Variants in SLMAP observed in about 807,000 individuals in gnomAD.
The protein encoded by SLMAP is sarcolemmal membrane-associated protein.
In SLMAP, 44 loss-of-function variants were observed where a neutral mutation model predicts 128.8. That is an observed-to-expected ratio of 0.34 (90% CI 0.27 to 0.44). The LOEUF (loss-of-function observed/expected upper bound fraction) is 0.44. Among genes scored for constraint, SLMAP ranks in the 20% least tolerant of loss-of-function variants. The probability of loss-of-function intolerance (pLI) is 1.00; values close to 1 mark genes in which losing one functional copy is unlikely to be tolerated. For synonymous variants in SLMAP, 327 were observed against 348.8 expected (o/e 0.94, Z 0.70); for missense variants, 787 against 985.3 (o/e 0.80, Z 2.69).
chr3:57,810,801 T>G (rs1038232686), intron 2 of SLMAP, among the ~76,000 whole-genome samples: 2 of 152,212 alleles, frequency 1.3e-5, no homozygotes, highest in Admixed American at 6.5e-5. Context: ...TTCCAGGACA[T>G]ATCACTTTCT....
intron 6 of SLMAP, among the ~76,000 whole-genome samples, chr3:57,852,524 A>T (rs573762853): frequency 2.0e-4 from 31 of 152,302 alleles, no homozygotes; most frequent in African/African-American, 7.5e-4. Context: ...CTTACACAGA[A>T]TTGTGAAGAA....
intron 3 of SLMAP, among the ~76,000 whole-genome samples, chr3:57,838,838 C>T (rs2093769954): frequency 6.6e-6 from 1 of 152,142 alleles, no homozygotes; most frequent in Non-Finnish European, 1.5e-5. Flanking sequence ...ATAGGATATC[C>T]TTCGTAGCAG....
At chr3:57,760,001 G>A (rs2078295210) in intron 2 of SLMAP, among the ~76,000 whole-genome samples, 2 of 152,114 alleles carry the variant, frequency 1.3e-5, no homozygotes, top group African/African-American at 2.4e-5. Flanking sequence ...GTGCAGTGGC[G>A]CAACCTCAGC....
At chr3:57,848,971 A>C (rs1417616049) in intron 5 of SLMAP, among the ~76,000 whole-genome samples, 5 of 150,750 alleles carry the variant, frequency 3.3e-5, no homozygotes, top group African/African-American at 1.2e-4. Context: ...GGCCTCCCAA[A>C]GTGCTGGGAT....
intron 8 of SLMAP, among the ~76,000 whole-genome samples, chr3:57,859,695 T>C (rs2094958731): frequency 6.6e-6 from 1 of 152,062 alleles, no homozygotes; most frequent in South Asian, 2.1e-4. Context: ...TAATGGACAT[T>C]GGAGACTCAG....
At chr3:57,789,287 TAG>T (rs1017093496) in intron 2 of SLMAP, among the ~76,000 whole-genome samples, 8 of 152,032 alleles carry the variant, frequency 5.3e-5, no homozygotes, top group Admixed American at 1.3e-4. Context: ...GGGGCGAGGG[TAG>T]AGAGAGACTG....
intron 2 of SLMAP, among the ~76,000 whole-genome samples, chr3:57,758,853 A>C (rs1009370162): frequency 6.6e-5 from 10 of 152,334 alleles, no homozygotes; most frequent in Admixed American, 5.2e-4. Context: ...TGAGCTACTG[A>C]ATCAGTTCCA....
intron 22 of SLMAP, among the ~76,000 whole-genome samples, chr3:57,920,808 A>G (rs62260563): frequency 0.22 from 33,751 of 152,026 alleles, 4,682 homozygotes; most frequent in East Asian, 0.48. Flanking sequence ...CAAGGTCAGG[A>G]GTTCGAGACC....
At chr3:57,866,368 TAGG>T (rs2095304107) in intron 13 of SLMAP, among the ~76,000 whole-genome samples, 1 of 152,164 alleles carries the variant, frequency 6.6e-6, no homozygotes. Flanking sequence ...CTGGTAGAGT[TAGG>T]AGGTGGGTTT....
At chr3:57,809,292 C>T (rs1271577948) in intron 2 of SLMAP, among the ~76,000 whole-genome samples, 3 of 152,238 alleles carry the variant, frequency 2.0e-5, no homozygotes, top group Non-Finnish European at 4.4e-5. Context: ...TGCCTGCTCC[C>T]ACTTCCTGGC....
chr3:57,847,275 T>A, intron 5 of SLMAP, 42 bp downstream of exon 5: 1 of 1,487,898 alleles, frequency 6.7e-7, no homozygotes, highest in Non-Finnish European at 9.3e-7. Flanking sequence ...GACTCAGCTA[T>A]GTTGCTTTGA....
chr3:57,796,208 G>T (rs1261248015), intron 2 of SLMAP, among the ~76,000 whole-genome samples: 2 of 152,156 alleles, frequency 1.3e-5, no homozygotes, highest in African/African-American at 4.8e-5. Flanking sequence ...TTTATTAAGT[G>T]TTCTGCTCTT....
intron 14 of SLMAP, among the ~76,000 whole-genome samples, chr3:57,885,714 C>T (rs1318868263): frequency 1.3e-5 from 2 of 150,294 alleles, no homozygotes; most frequent in Non-Finnish European, 3.0e-5. Flanking sequence ...CTACCGCGCC[C>T]GGCCATCTTG....
At chr3:57,777,287 A>T (rs953480154) in intron 2 of SLMAP, among the ~76,000 whole-genome samples, 15 of 152,248 alleles carry the variant, frequency 9.9e-5, no homozygotes, top group African/African-American at 3.4e-4. Context: ...TGACTTTTTT[A>T]AAAAAACCTC....
intron 4 of SLMAP, among the ~76,000 whole-genome samples, chr3:57,846,445 T>C (rs1397235194): frequency 6.6e-6 from 1 of 152,202 alleles, no homozygotes; most frequent in Non-Finnish European, 1.5e-5. Flanking sequence ...GGAACAAGTT[T>C]CCAAATTATA....
chr3:57,857,501 C>T (rs1291001845), intron 6 of SLMAP, among the ~76,000 whole-genome samples: 1 of 152,202 alleles, frequency 6.6e-6, no homozygotes, highest in African/African-American at 2.4e-5. Context: ...AACATTCTGT[C>T]TGTCTCTCTC....
chr3:57,824,401 T>G (rs1407434987), intron 2 of SLMAP, among the ~76,000 whole-genome samples: 2 of 152,202 alleles, frequency 1.3e-5, no homozygotes, highest in African/African-American at 4.8e-5. Context: ...AGCTTTTATA[T>G]TTAACTCTTT....
At chr3:57,792,903 T>C (rs1294535911) in intron 2 of SLMAP, among the ~76,000 whole-genome samples, 2 of 152,046 alleles carry the variant, frequency 1.3e-5, no homozygotes, top group Non-Finnish European at 2.9e-5. Context: ...TTTGAGAGGC[T>C]AAGCGGGGTG....
intron 2 of SLMAP, among the ~76,000 whole-genome samples, chr3:57,788,746 A>G (rs1259389083): frequency 6.6e-6 from 1 of 152,202 alleles, no homozygotes; most frequent in Non-Finnish European, 1.5e-5. Context: ...AGTTGAAAGT[A>G]GTCCTTGGAC....
Sources: allele counts gnomAD v4.1 joint callset (sites outside exome capture counted in the v4.1 genomes callset), GRCh38; gene constraint gnomAD v4.1.1; transcripts MANE v1.5; gene names NCBI Gene and HGNC (gene_info 2026-07-23, HGNC 2026-07-21).